The following CCN4 variants were observed in gnomAD, a reference collection of about 807,000 sequenced individuals.
CCN4 encodes the protein CCN family member 4.
Under a neutral mutation model 36.7 loss-of-function variants are expected in CCN4, and 30 were observed. That is an observed-to-expected ratio of 0.82 (90% CI 0.61 to 1.11). The LOEUF (loss-of-function observed/expected upper bound fraction) is 1.11. CCN4 is among the 50% of genes least tolerant of loss of function. CCN4 has a pLI of 0.00. For synonymous variants in CCN4, 191 were observed against 195.4 expected (o/e 0.98, Z 0.19); for missense variants, 505 against 504.9 (o/e 1.00, Z 0.00).
chr8:133,194,794 T>C (rs1853303696), intron 1 of CCN4, among the ~76,000 whole-genome samples: 1 of 99,962 alleles, frequency 1.0e-5, no homozygotes, highest in African/African-American at 4.0e-5. Context: ...GTGGTGTGTG[T>C]GTGTGGTGTT....
At chr8:133,215,613 C>G (rs1482335260) in intron 2 of CCN4, among the ~76,000 whole-genome samples, 1 of 151,946 alleles carries the variant, frequency 6.6e-6, no homozygotes, top group African/African-American at 2.4e-5. Context: ...CTGGAAAACC[C>G]CCTTCCCTGT....
At chr8:133,194,694 T>G (rs866579583) in intron 1 of CCN4, among the ~76,000 whole-genome samples, 2,028 of 98,482 alleles carry the variant, frequency 0.021, 88 homozygotes, top group African/African-American at 0.11. Context: ...GGTGTGTGTG[T>G]GGAGGGTGTG....
chr8:133,195,082 T>G (rs111162912), intron 1 of CCN4, among the ~76,000 whole-genome samples: 36,051 of 147,770 alleles, frequency 0.24, 4,772 homozygotes, highest in Middle Eastern at 0.35. Flanking sequence ...TGTAGTGTGC[T>G]TGTGTGTGTG....
intron 1 of CCN4, among the ~76,000 whole-genome samples, chr8:133,200,538 C>T (rs375299385): frequency 5.9e-5 from 9 of 152,206 alleles, no homozygotes; most frequent in South Asian, 4.1e-4. Context: ...GAAAGGCCCT[C>T]GGTTACATAT....
chr8:133,213,206 C>G (rs1854131011), intron 2 of CCN4, 63 bp downstream of exon 2: 3 of 1,542,882 alleles, frequency 1.9e-6, no homozygotes, highest in Non-Finnish European at 2.6e-6. Context: ...GCCCCAAACC[C>G]CTCTCCCTTG....
At chr8:133,225,985 T>C (rs1490898319) in intron 4 of CCN4, among the ~76,000 whole-genome samples, 4 of 152,176 alleles carry the variant, frequency 2.6e-5, no homozygotes, top group African/African-American at 9.7e-5. Flanking sequence ...GAGTCAAATG[T>C]CTGCTTGCAT....
intron 1 of CCN4, among the ~76,000 whole-genome samples, chr8:133,201,859 GAAAAGAAAAGA>G (rs1853598091): frequency 2.1e-5 from 3 of 145,864 alleles, no homozygotes; most frequent in African/African-American, 8.4e-5. Context: ...GAAAAGAAAA[GAAAAGAAAAGA>G]AAAAAACCCA....
intron 1 of CCN4, among the ~76,000 whole-genome samples, chr8:133,194,456 A>G (rs200982745): frequency 0.021 from 311 of 15,162 alleles, no homozygotes; most frequent in Admixed American, 0.022. Flanking sequence ...TGTGTGTGGT[A>G]TGTGTGTGGG....
At chr8:133,204,930 A>G (rs1853714482) in intron 1 of CCN4, among the ~76,000 whole-genome samples, 1 of 152,210 alleles carries the variant, frequency 6.6e-6, no homozygotes, top group African/African-American at 2.4e-5. Flanking sequence ...ACCTGGAAAA[A>G]ATCCCAATGC....
rs34279368 is a variant in CCN4, at chr8:133,227,470, G to A, written c.864G>A (p.Ala288=). The A allele has an allele frequency of 4.0e-4, 650 of 1,614,138 alleles. 1 individual carries two copies. In the African/African-American group the frequency reaches 7.4e-3, roughly 18 times the overall value. Residue 288 remains alanine, a synonymous_variant, in exon 5 of 5, where the codon GCG becomes GCA. Coordinates refer to ENST00000250160, the MANE Select transcript of CCN4 (RefSeq NM_003882.4). ...AGGCATCCATGAACTTCACACTTGCGGGCTGCATCAGCACACGCTCCTATC... is the reference window on the plus strand; with the variant it reads ...AGGCATCCATGAACTTCACACTTGCAGGCTGCATCAGCACACGCTCCTATC... ...QPEASMNFTL[A]GCISTRSYQP...
chr8:133,203,479 T>C (rs1334220664), intron 1 of CCN4, among the ~76,000 whole-genome samples: 3 of 152,134 alleles, frequency 2.0e-5, no homozygotes, highest in African/African-American at 7.2e-5. Context: ...AGCTGCGAGA[T>C]CTTGAGCAAG....
chr8:133,228,611 G>A lies in CCN4; in HGVS notation c.*901G>A, dbSNP rs1854836835. 1 of 152,286 alleles carries A rather than the reference G, an allele frequency of 6.6e-6. No individual in the cohort carries two copies. The highest frequency in any genetic ancestry group is 1.5e-5 in the Non-Finnish European group (1 of 68,138). 9.4% of individuals were successfully genotyped at this position (152,286 alleles called of 1,614,324 possible). A position where few individuals can be genotyped will look rare whatever the true frequency, so the allele number is the denominator to read the frequency against. On this transcript the variant is annotated 3_prime_UTR_variant, in exon 5 of 5. Transcript: ENST00000250160. The stretch of plus-strand genomic sequence containing the variant: ...GGACTGGCCTGTCTGGCCCCTGAGA[G>A]TGGTGCCCTGGAACACTCCTCTACT...
chr8:133,207,894 C>A, intron 1 of CCN4, among the ~76,000 whole-genome samples: 1 of 151,968 alleles, frequency 6.6e-6, no homozygotes, highest in East Asian at 1.9e-4. Flanking sequence ...ATGTGTCAGG[C>A]TTTGTGAGGC....
At chr8:133,204,106 AC>A (rs1853682214) in intron 1 of CCN4, among the ~76,000 whole-genome samples, 1 of 152,100 alleles carries the variant, frequency 6.6e-6, no homozygotes, top group African/African-American at 2.4e-5. Flanking sequence ...ATCACTGTTC[AC>A]CTACCTACTG....
intron 1 of CCN4, among the ~76,000 whole-genome samples, chr8:133,211,530 C>G (rs1228653101): frequency 1.3e-5 from 2 of 152,174 alleles, no homozygotes; most frequent in Admixed American, 1.3e-4. Flanking sequence ...TCGGGTCTTG[C>G]CTTCCTCCCC....
chr8:133,219,388 C>G (rs777582859), intron 2 of CCN4, among the ~76,000 whole-genome samples: 1 of 152,122 alleles, frequency 6.6e-6, no homozygotes, highest in Non-Finnish European at 1.5e-5. Context: ...AACCCCTGGG[C>G]GGGCTTCCTT....
intron 4 of CCN4, 149 bp from the exon 5 acceptor site, chr8:133,227,262 T>C: frequency 1.4e-6 from 1 of 715,040 alleles, no homozygotes; most frequent in Non-Finnish European, 2.3e-6. Flanking sequence ...TGTTTGCTGT[T>C]GTCCCTCCTT....
chr8:133,198,201 C>T (rs766413989), intron 1 of CCN4, among the ~76,000 whole-genome samples: 12 of 152,164 alleles, frequency 7.9e-5, no homozygotes, highest in Non-Finnish European at 1.2e-4. Flanking sequence ...GGGGAGCTCA[C>T]GCTGCTGCTT....
chr8:133,207,996 T>G lies in CCN4; in HGVS notation c.70-4868T>G, dbSNP rs1414788021. On this transcript the variant is annotated intron_variant, in intron 1 of 4. Transcript: ENST00000250160. ...GGTGCACTCACTACCTTTCAGCTGT[T>G]TTTTTTTTTTTTCATCAGAAAATTC... 7.7e-5 allele frequency among the ~76,000 whole-genome samples: 3 copies of G among 38,980 alleles called. No individual in the cohort carries two copies. In the South Asian group the frequency reaches 3.8e-3, roughly 49 times the overall value. The allele number at this position is 38,980 out of a possible 152,430, so 25.6% of individuals were successfully genotyped here.
Sources: gnomAD v4.1 joint callset for allele counts (sites outside exome capture counted in the v4.1 genomes callset) on GRCh38, gnomAD v4.1.1 for gene constraint, MANE v1.5 for transcripts, NCBI Gene and HGNC (gene_info 2026-07-23, HGNC 2026-07-21) for gene names.